ACACA: variants seen among roughly 807,000 people sequenced by gnomAD.
The protein encoded by ACACA is acetyl-CoA carboxylase 1.
A neutral mutation model predicts 296.1 loss-of-function variants in ACACA; 103 were observed. That is an observed-to-expected ratio of 0.35 (90% CI 0.30 to 0.41). The LOEUF (loss-of-function observed/expected upper bound fraction) is 0.41. Among genes scored for constraint, ACACA ranks in the 10% least tolerant of loss-of-function variants. The pLI is 1.00. For synonymous variants in ACACA, 953 were observed against 1,038.6 expected (o/e 0.92, Z 1.58); for missense variants, 1,554 against 2,989.7 (o/e 0.52, Z 11.20).
chr17:37,121,043 G>A (rs975557571), intron 50 of ACACA, among the ~76,000 whole-genome samples: 1 of 152,128 alleles, frequency 6.6e-6, no homozygotes, highest in Non-Finnish European at 1.5e-5. Context: ...CCAGAAAAGA[G>A]GGACAGAGTC....
At position 37,263,923 on chromosome 17, in the gene ACACA, C is replaced by T. The variant is rs17848794; in HGVS notation, c.1120-29G>A. ...TATTAGAAAAGGGGGAAAAAAAAAA[C>T]CAATTCTTAAATTTTAAACTTTTTA... On this transcript the variant is annotated intron_variant, in intron 10 of 55. Coordinates refer to ENST00000616317, the MANE Select transcript of ACACA (RefSeq NM_198834.3). The T allele has an allele frequency of 0.047, 72,369 of 1,552,338 alleles. 1,811 individuals carry two copies. Among genetic ancestry groups the T allele is most frequent in the Middle Eastern group, 0.094 (557 of 5,938 alleles).
intron 50 of ACACA, among the ~76,000 whole-genome samples, chr17:37,120,216 A>G (rs916472663): frequency 2.7e-5 from 4 of 149,870 alleles, no homozygotes; most frequent in African/African-American, 9.8e-5. Flanking sequence ...TCTAATCACT[A>G]TTTACTCCAA....
intron 5 of ACACA, among the ~76,000 whole-genome samples, chr17:37,278,856 ATTTAT>A (rs1311039828): frequency 2.0e-5 from 3 of 152,194 alleles, no homozygotes; most frequent in African/African-American, 7.2e-5. Context: ...CTAATAATAA[ATTTAT>A]TTTATCTTGT....
intron 16 of ACACA, 48 bp from the exon 17 acceptor site, chr17:37,248,722 T>A: frequency 7.6e-7 from 1 of 1,311,312 alleles, no homozygotes; most frequent in Non-Finnish European, 1.1e-6. Context: ...CTAACAGTTA[T>A]AAGAGAATCT....
chr17:37,242,005 C>T lies in ACACA; in HGVS notation c.2980G>A (p.Glu994Lys). 6.2e-7 allele frequency: 1 copy of T among 1,613,734 alleles called. No homozygotes were observed. The highest frequency in any genetic ancestry group is 1.1e-5 in the South Asian group (1 of 91,058). Residue 994 changes from glutamate to lysine, a missense_variant, in exon 23 of 56, where the codon GAA becomes AAA. By Grantham distance (56) the Glu-to-Lys change is moderately conservative (BLOSUM62 1). This residue lies in a region of ACACA where 316 missense variants were observed against 540.9 expected (regional missense o/e 0.58). Transcript: ENST00000616317. Reference sequence around the variant, plus strand: ...GTATTCATAAAGAAGACTTCCCGTTCAGATTTCCGGTTCAATGTAGCTGCA... The same window carrying T: ...GTATTCATAAAGAAGACTTCCCGTTTAGATTTCCGGTTCAATGTAGCTGCA... ...SHAATLNRKS[E>K]REVFFMNTQS... is the part of the protein sequence containing the mutation.
chr17:37,118,856 C>T (rs2074383361), intron 50 of ACACA, among the ~76,000 whole-genome samples: 1 of 152,086 alleles, frequency 6.6e-6, no homozygotes, highest in African/African-American at 2.4e-5. Flanking sequence ...CTCAATGAAT[C>T]TTAATTGTTG....
chr17:37,358,129 C>G (rs2049227913), intron 1 of ACACA, among the ~76,000 whole-genome samples: 1 of 152,014 alleles, frequency 6.6e-6, no homozygotes, highest in Non-Finnish European at 1.5e-5. Flanking sequence ...TGAAATTAAA[C>G]TATTTCTCCT....
intron 45 of ACACA, among the ~76,000 whole-genome samples, chr17:37,148,966 T>C (rs938253384): frequency 6.6e-6 from 1 of 152,194 alleles, no homozygotes; most frequent in Non-Finnish European, 1.5e-5. Context: ...TGAGAGGTTA[T>C]ATAAGTTGCA....
intron 35 of ACACA, among the ~76,000 whole-genome samples, chr17:37,198,637 T>C (rs998299698): frequency 4.6e-5 from 7 of 152,080 alleles, no homozygotes; most frequent in Admixed American, 6.6e-5. Context: ...AAGTTATTGA[T>C]TGACATATAT....
intron 1 of ACACA, chr17:37,360,404 G>A (rs2049359632): frequency 6.6e-6 from 1 of 152,220 alleles, no homozygotes; most frequent in African/African-American, 2.4e-5. Flanking sequence ...GAGGCAGAAA[G>A]AGGGAAAGAT....
intron 21 of ACACA, among the ~76,000 whole-genome samples, 193 bp from the exon 22 acceptor site, chr17:37,243,752 T>G (rs973572386): frequency 8.5e-5 from 13 of 152,212 alleles, no homozygotes; most frequent in Non-Finnish European, 1.9e-4. Context: ...TCATCAATAC[T>G]GTAATTTTGA....
chr17:37,316,174 T>C (rs887148568), intron 3 of ACACA, among the ~76,000 whole-genome samples: 2 of 152,118 alleles, frequency 1.3e-5, no homozygotes, highest in African/African-American at 4.8e-5. Context: ...ACCGGCCTCT[T>C]CTTTTGCACC....
intron 5 of ACACA, among the ~76,000 whole-genome samples, chr17:37,282,845 G>T (rs1567937819): frequency 6.6e-6 from 1 of 151,944 alleles, no homozygotes; most frequent in African/African-American, 2.4e-5. Context: ...GTCCCAAAAG[G>T]TCTCTCCCTC....
intron 9 of ACACA, among the ~76,000 whole-genome samples, chr17:37,272,594 T>C (rs1420315314): frequency 2.0e-5 from 3 of 149,964 alleles, no homozygotes; most frequent in African/African-American, 7.4e-5. Context: ...CCATAGGAGG[T>C]CAGTAAGTAA....
At chr17:37,234,307 G>A (rs1211536762) in intron 25 of ACACA, among the ~76,000 whole-genome samples, 1 of 152,172 alleles carries the variant, frequency 6.6e-6, no homozygotes, top group Non-Finnish European at 1.5e-5. Context: ...GGACTTGCAA[G>A]TCATCTTTAA....
At chr17:37,312,411 T>A (rs1309632594) in intron 3 of ACACA, among the ~76,000 whole-genome samples, 1 of 152,198 alleles carries the variant, frequency 6.6e-6, no homozygotes, top group Non-Finnish European at 1.5e-5. Context: ...AATTACATAA[T>A]CTCTCTGAGC....
At chr17:37,379,466 G>C (rs181984684) in intron 1 of ACACA, 5 of 1,461,370 alleles carry the variant, frequency 3.4e-6, no homozygotes, top group African/African-American at 1.4e-5. Flanking sequence ...AGCAGGAAAA[G>C]CTACAAGAAA....
At chr17:37,143,763 G>A (rs191468809) in intron 45 of ACACA, 9 of 944,800 alleles carry the variant, frequency 9.5e-6, no homozygotes, top group East Asian at 2.4e-5. Context: ...TTGCTTTTTC[G>A]GCCTTGGCAA....
At chr17:37,306,839 T>C (rs923511292) in intron 3 of ACACA, among the ~76,000 whole-genome samples, 10 of 151,902 alleles carry the variant, frequency 6.6e-5, no homozygotes, top group Non-Finnish European at 1.3e-4. Context: ...GGATTAGAGG[T>C]AAGCACCACC....
Sources: gnomAD v4.1 joint callset for allele counts (sites outside exome capture counted in the v4.1 genomes callset) on GRCh38, gnomAD v4.1.1 for gene constraint, gnomAD v4.1.1 regional missense constraint, MANE v1.5 for transcripts, NCBI Gene and HGNC (gene_info 2026-07-23, HGNC 2026-07-21) for gene names.